Variants in SLC49A4 observed in about 807,000 individuals in gnomAD.
The protein encoded by SLC49A4 is disrupted in renal cancer protein 2.
A neutral mutation model predicts 50.6 loss-of-function variants in SLC49A4; 36 were observed. That is an observed-to-expected ratio of 0.71 (90% CI 0.55 to 0.94). The LOEUF (loss-of-function observed/expected upper bound fraction) is 0.94. Ranked by LOEUF, SLC49A4 falls within the 40% of genes least tolerant of loss-of-function variation. SLC49A4 has a pLI of 0.00. For synonymous variants in SLC49A4, 248 were observed against 241.2 expected (o/e 1.03, Z -0.26); for missense variants, 503 against 605.7 (o/e 0.83, Z 1.78).
chr3:122,795,155 A>G lies in SLC49A4; in HGVS notation c.-38A>G, dbSNP rs377194892. 1,268 of 1,307,908 alleles carry G rather than the reference A, an allele frequency of 9.7e-4. 5 individuals are homozygous for G. The African/African-American group carries it at 0.014, about 14-fold the overall frequency. The allele number at this position is 1,307,908 out of a possible 1,614,324, so 81.0% of individuals were successfully genotyped here. A position where few individuals can be genotyped will look rare whatever the true frequency, so the allele number is the denominator to read the frequency against. On this transcript the variant is annotated 5_prime_UTR_variant, in exon 1 of 9. Transcript: ENST00000261038. ...GCTGGGCTAGTCGGCGGTGACCCGG[A>G]CTGCGCCCGGCAGTGGCTTCGCGGG...
chr3:122,803,798 TCCC>T (rs756325458), intron 1 of SLC49A4, among the ~76,000 whole-genome samples: 8 of 152,188 alleles, frequency 5.3e-5, no homozygotes, highest in Non-Finnish European at 1.2e-4. Context: ...ACTCAATGGG[TCCC>T]CAGCAAAAGG....
Position 122,816,996 on chromosome 3 carries a change from ATC to A in SLC49A4, c.438-9803_438-9802del, listed in dbSNP as rs377725296. Among the ~76,000 whole-genome samples, 21 of 152,342 alleles carry A rather than the reference ATC, an allele frequency of 1.4e-4. No homozygotes were observed. The East Asian group carries it at 3.8e-3, about 28-fold the overall frequency. On this transcript the variant is annotated intron_variant, in intron 2 of 8. Coordinates refer to ENST00000261038, the MANE Select transcript of SLC49A4 (RefSeq NM_032839.3). ...CAGAATGACCCTGGGGTAATAGTTAATCATCTCTACCACAGGCAAATTGGCTA... is the reference window on the plus strand; with the variant it reads ...CAGAATGACCCTGGGGTAATAGTTAAATCTCTACCACAGGCAAATTGGCTA...
Position 122,824,344 on chromosome 3 carries a change from G to A in SLC49A4, c.438-2456G>A, listed in dbSNP as rs556619227. ...ATACTACTTTAACACGTACTGTATCGTAGTGAGAAATGTTCTGGTCTAAGA... is the reference window on the plus strand; with the variant it reads ...ATACTACTTTAACACGTACTGTATCATAGTGAGAAATGTTCTGGTCTAAGA... On this transcript the variant is annotated intron_variant, in intron 2 of 8. Transcript: ENST00000261038. Among the ~76,000 whole-genome samples the A allele has an allele frequency of 7.9e-5, 12 of 152,204 alleles. No individual in the cohort carries two copies. The South Asian group carries it at 1.2e-3, about 16-fold the overall frequency.
intron 1 of SLC49A4, among the ~76,000 whole-genome samples, chr3:122,806,624 C>T (rs528400791): frequency 6.6e-6 from 1 of 152,204 alleles, no homozygotes; most frequent in East Asian, 1.9e-4. Flanking sequence ...GATCTGCCCA[C>T]CTCGGCCTCT....
intron 7 of SLC49A4, among the ~76,000 whole-genome samples, chr3:122,863,417 C>A (rs1198742270): frequency 6.6e-6 from 1 of 152,200 alleles, no homozygotes; most frequent in East Asian, 1.9e-4. Flanking sequence ...GTAAATGTTA[C>A]TTGTTGCCAG....
intron 2 of SLC49A4, among the ~76,000 whole-genome samples, chr3:122,818,639 C>G (rs187017675): frequency 1.3e-5 from 2 of 152,066 alleles, no homozygotes; most frequent in Non-Finnish European, 2.9e-5. Flanking sequence ...TGTATATGAC[C>G]TTAATAAAAA....
intron 4 of SLC49A4, among the ~76,000 whole-genome samples, chr3:122,840,612 A>G (rs1936757788): frequency 1.3e-5 from 2 of 152,154 alleles, no homozygotes; most frequent in South Asian, 2.1e-4. Flanking sequence ...AAACTTATTA[A>G]TGAGATATGT....
intron 5 of SLC49A4, among the ~76,000 whole-genome samples, chr3:122,848,598 A>G (rs936780957): frequency 6.6e-6 from 1 of 152,090 alleles, no homozygotes. Flanking sequence ...GATACCTTCT[A>G]TGTGTTTGTT....
intron 6 of SLC49A4, 34 bp from the exon 7 acceptor site, chr3:122,860,041 C>T (rs371804803): frequency 1.3e-6 from 2 of 1,549,924 alleles, no homozygotes; most frequent in African/African-American, 1.4e-5. Flanking sequence ...ATTTTTAAAT[C>T]CCACTAGAAT....
At chr3:122,806,767 G>T in intron 1 of SLC49A4, 90 bp from the exon 2 acceptor site, 173 of 664,948 alleles carry the variant, frequency 2.6e-4, no homozygotes, top group East Asian at 3.4e-4. Context: ...AGCATATAAT[G>T]TCAGTATGAT....
intron 6 of SLC49A4, among the ~76,000 whole-genome samples, chr3:122,858,973 T>G (rs948638155): frequency 6.6e-6 from 1 of 152,222 alleles, no homozygotes; most frequent in African/African-American, 2.4e-5. Context: ...GTCCCAAGTT[T>G]AGAAGAATAA....
At position 122,806,919 on chromosome 3, in the gene SLC49A4, A is replaced by T. The variant is rs529655779; in HGVS notation, c.406A>T (p.Ile136Leu). 22 of 1,606,274 alleles carry T rather than the reference A, an allele frequency of 1.4e-5. No individual in the cohort carries two copies. In the African/African-American group the frequency reaches 2.3e-4, roughly 17 times the overall value. ...GGTTTTGGGAACTGGTCTAAGATGCATACCTATATCAGACTTAATCCTTAA... is the reference window on the plus strand; with the variant it reads ...GGTTTTGGGAACTGGTCTAAGATGCTTACCTATATCAGACTTAATCCTTAA... The part of the protein sequence containing the change: ...LMVLGTGLRC[I>L]PISDLILKRR... The change falls in exon 2 of 9, where the codon ATA becomes TTA. Residue 136 changes from isoleucine to leucine, a missense_variant. By Grantham distance (5) the Ile-to-Leu change is conservative. Transcript: ENST00000261038.
chr3:122,839,151 C>T (rs1936733399), intron 4 of SLC49A4, among the ~76,000 whole-genome samples: 1 of 151,916 alleles, frequency 6.6e-6, no homozygotes, highest in Non-Finnish European at 1.5e-5. Context: ...GAAAGGACAC[C>T]CTATTTAATA....
rs569617744 is a variant in SLC49A4, at chr3:122,811,872, A to G, written c.437+4922A>G. On this transcript the variant is annotated intron_variant, in intron 2 of 8. Transcript: ENST00000261038. ...GGTATCATTGGTTTTTTCTGGGAAGAGCATCTGAGGAATAGAAGTCTGAGG... is the reference window on the plus strand; with the variant it reads ...GGTATCATTGGTTTTTTCTGGGAAGGGCATCTGAGGAATAGAAGTCTGAGG... Among the ~76,000 whole-genome samples the G allele has an allele frequency of 9.2e-5, 14 of 152,302 alleles. No individual in the cohort carries two copies. The East Asian group carries it at 2.7e-3, about 29-fold the overall frequency.
chr3:122,849,753 G>A (rs1192675820), intron 5 of SLC49A4, among the ~76,000 whole-genome samples: 1 of 151,760 alleles, frequency 6.6e-6, no homozygotes, highest in Non-Finnish European at 1.5e-5. Context: ...TGTATAGTTT[G>A]TGAATATTTC....
chr3:122,809,053 T>C (rs547606718), intron 2 of SLC49A4, among the ~76,000 whole-genome samples: 21 of 152,226 alleles, frequency 1.4e-4, no homozygotes, highest in East Asian at 1.2e-3. Context: ...AAATTGTTGA[T>C]TCCATTAACA....
chr3:122,795,243 C>T lies in SLC49A4; in HGVS notation c.51C>T (p.Pro17=), dbSNP rs1179921002. The change falls in exon 1 of 9, where the codon CCC becomes CCT. Residue 17 remains proline, a synonymous_variant. Coordinates refer to ENST00000261038, the MANE Select transcript of SLC49A4 (RefSeq NM_032839.3). ...SEEERQPLLG[P]GLGPGLGASW... ...AGGAGAGGCAGCCGCTGCTGGGGCC[C>T]GGGCTCGGGCCTGGGCTGGGGGCCT... The T allele has an allele frequency of 6.0e-6, 8 of 1,344,460 alleles. No homozygotes were observed. In the Admixed American group the frequency reaches 1.7e-4, roughly 28 times the overall value. 83.3% of individuals were successfully genotyped at this position (1,344,460 alleles called of 1,614,324 possible).
intron 2 of SLC49A4, among the ~76,000 whole-genome samples, chr3:122,817,221 GGAA>G (rs752245329): frequency 1.1e-4 from 17 of 152,302 alleles, no homozygotes; most frequent in South Asian, 1.0e-3. Flanking sequence ...ATAGATTTGA[GGAA>G]GAAGAAGTCA....
At chr3:122,844,647 T>G (rs549298500) in intron 4 of SLC49A4, among the ~76,000 whole-genome samples, 1 of 152,094 alleles carries the variant, frequency 6.6e-6, no homozygotes, top group African/African-American at 2.4e-5. Flanking sequence ...CTGGGTGTGC[T>G]GGCAGGTGCC....
Sources: gnomAD v4.1 joint callset for allele counts (sites outside exome capture counted in the v4.1 genomes callset) on GRCh38, gnomAD v4.1.1 for gene constraint, MANE v1.5 for transcripts, NCBI Gene and HGNC (gene_info 2026-07-23, HGNC 2026-07-21) for gene names.